The following ARID1A variants were observed in gnomAD, a reference collection of about 807,000 sequenced individuals.
ARID1A encodes the protein AT-rich interaction domain 1A.
In ARID1A, 20 loss-of-function variants were observed where a neutral mutation model predicts 212.6. That is an observed-to-expected ratio of 0.09 (90% CI 0.07 to 0.14). The LOEUF (loss-of-function observed/expected upper bound fraction) is 0.14. Among genes scored for constraint, ARID1A ranks in the 10% least tolerant of loss-of-function variants. The pLI is 1.00. For missense variants in ARID1A, 2,587 were observed against 3,059.0 expected, an observed-to-expected ratio of 0.85 and a Z score of 3.64; for synonymous variants, 1,376 against 1,222.1, an observed-to-expected ratio of 1.13 and a Z score of -2.63.
chr1:26,737,140 G>A (rs950670897), intron 4 of ARID1A, among the ~76,000 whole-genome samples: 1 of 151,838 alleles, frequency 6.6e-6, no homozygotes, highest in Admixed American at 6.6e-5. Flanking sequence ...GTTTTGAGAT[G>A]GGGGTCTCTC....
intron 1 of ARID1A, among the ~76,000 whole-genome samples, chr1:26,717,575 A>G (rs761241289): frequency 3.3e-5 from 5 of 152,210 alleles, no homozygotes; most frequent in South Asian, 2.1e-4. Context: ...TTGTTCTACA[A>G]ATTTCCAAGC....
Position 26,696,584 on chromosome 1 carries a change from C to T in ARID1A, c.181C>T (p.Pro61Ser). 1 of 1,230,724 alleles carries T rather than the reference C, an allele frequency of 8.1e-7. No individual in the cohort carries two copies. Among genetic ancestry groups the T allele is most frequent in the Admixed American group, 4.3e-5 (1 of 23,328 alleles). 76.2% of individuals were successfully genotyped at this position (1,230,724 alleles called of 1,614,324 possible). A position where few individuals can be genotyped will look rare whatever the true frequency, so the allele number is the denominator to read the frequency against. The change falls in exon 1 of 20, where the codon CCC becomes TCC. Residue 61 changes from proline (P) to serine (S), a missense_variant. Coordinates refer to ENST00000324856, the MANE Select transcript of ARID1A (RefSeq NM_006015.6). ...KAAAGQESEG[P>S]AVGPPQPLGK... ...AGCCGCCGGGCAGGAAAGCGAGGGC[C>T]CCGCCGTGGGGCCGCCGCAGCCGCT...
intron 4 of ARID1A, among the ~76,000 whole-genome samples, chr1:26,740,846 C>T (rs564073713): frequency 1.3e-5 from 2 of 152,236 alleles, no homozygotes; most frequent in South Asian, 2.1e-4. Flanking sequence ...GTGGAACATG[C>T]AGGAAAGAAT....
At chr1:26,737,513 G>C (rs1381317451) in intron 4 of ARID1A, among the ~76,000 whole-genome samples, 2 of 152,140 alleles carry the variant, frequency 1.3e-5, no homozygotes, top group African/African-American at 4.8e-5. Flanking sequence ...CCCAAGACCA[G>C]TGGTTCTCTA....
At position 26,696,237 on chromosome 1, in the gene ARID1A, C is replaced by T; in HGVS notation, c.-167C>T. ...GCCGCCAGCCCGGAGCCTGAGCCGGCGGGGCGGGGGGGAGAGGAGCGAGCG... is the reference window on the plus strand; with the variant it reads ...GCCGCCAGCCCGGAGCCTGAGCCGGTGGGGCGGGGGGGAGAGGAGCGAGCG... On this transcript the variant is annotated 5_prime_UTR_variant, in exon 1 of 20. Transcript: ENST00000324856. 1 of 887,530 alleles carries T rather than the reference C, an allele frequency of 1.1e-6. No individual in the cohort carries two copies. Among genetic ancestry groups the T allele is most frequent in the Non-Finnish European group, 1.4e-6 (1 of 704,574 alleles). The allele number at this position is 887,530 out of a possible 1,614,324, so 55.0% of individuals were successfully genotyped here.
chr1:26,752,066 T>C (rs1570594277), intron 4 of ARID1A, among the ~76,000 whole-genome samples: 2 of 152,208 alleles, frequency 1.3e-5, no homozygotes, highest in African/African-American at 4.8e-5. Context: ...CCTGGAGTAG[T>C]TTCTGCTGTT....
intron 1 of ARID1A, among the ~76,000 whole-genome samples, chr1:26,714,513 A>T (rs1363431723): frequency 6.6e-6 from 1 of 152,062 alleles, no homozygotes; most frequent in African/African-American, 2.4e-5. Context: ...TCCTGGGTTC[A>T]AGTGATTTTT....
At chr1:26,777,625 C>G (rs1246011151) in intron 19 of ARID1A, among the ~76,000 whole-genome samples, 1 of 152,148 alleles carries the variant, frequency 6.6e-6, no homozygotes, top group Admixed American at 6.5e-5. Context: ...TCTCCCACTT[C>G]AACCTTCCAA....
In ARID1A at chr1:26,709,676, T is replaced by G. The variant is rs189569978; in HGVS notation, c.1137+12136T>G. On this transcript the variant is annotated intron_variant, in intron 1 of 19. Transcript: ENST00000324856. ...CTAAAATTTGTTTAGAGACAGGGTC[T>G]TTCTCTGTTTCCCAGGCTGGAGTGC... 4.0e-4 allele frequency among the ~76,000 whole-genome samples: 61 copies of G among 150,808 alleles called. 1 individual carries two copies. Among genetic ancestry groups the G allele is most frequent in the Admixed American group, 2.1e-3 (31 of 15,076 alleles).
intron 2 of ARID1A, 129 bp from the exon 3 acceptor site, chr1:26,731,023 G>A (rs2080670801): frequency 9.5e-7 from 1 of 1,054,706 alleles, no homozygotes; most frequent in Non-Finnish European, 1.4e-6. Flanking sequence ...AAAACCCTGG[G>A]CCTCCTAAGT....
In ARID1A at chr1:26,763,124, G is replaced by C. The variant is rs2124069105; in HGVS notation, c.2571G>C (p.Arg857Ser). 6.2e-7 allele frequency: 1 copy of C among 1,614,254 alleles called. No homozygotes were observed. Among genetic ancestry groups the C allele is most frequent in the Non-Finnish European group, 8.5e-7 (1 of 1,180,044 alleles). ...CTTATGGCACACTCCCTCCAGGGAGGATGAGTCACGCCTCCATGGGCAACC... is the reference window on the plus strand; with the variant it reads ...CTTATGGCACACTCCCTCCAGGGAGCATGAGTCACGCCTCCATGGGCAACC... Reference protein sequence around the residue: ...IPPYGTLPPGRMSHASMGNRP... With the variant: ...IPPYGTLPPGSMSHASMGNRP... Residue 857 changes from arginine to serine, a missense_variant, in exon 8 of 20, where the codon AGG becomes AGC. By Grantham distance (110) the Arg-to-Ser change is moderately radical. Coordinates refer to ENST00000324856, the MANE Select transcript of ARID1A (RefSeq NM_006015.6).
chr1:26,735,989 T>G (rs1257739783), intron 4 of ARID1A, among the ~76,000 whole-genome samples: 6 of 152,154 alleles, frequency 3.9e-5, no homozygotes, highest in African/African-American at 1.4e-4. Flanking sequence ...CTTAAATAAC[T>G]TCTATGATGA....
At chr1:26,775,283 T>C in intron 18 of ARID1A, 63 bp downstream of exon 18, 1 of 1,511,156 alleles carries the variant, frequency 6.6e-7, no homozygotes, top group East Asian at 2.3e-5. Context: ...CATTGTTCCC[T>C]CCACCTTACT....
At chr1:26,740,290 AG>A (rs1391650352) in intron 4 of ARID1A, among the ~76,000 whole-genome samples, 1 of 152,256 alleles carries the variant, frequency 6.6e-6, no homozygotes, top group Non-Finnish European at 1.5e-5. Context: ...TGATTCCTAA[AG>A]GATCCTCCTG....
intron 1 of ARID1A, among the ~76,000 whole-genome samples, chr1:26,702,612 C>T (rs114791578): frequency 8.5e-5 from 13 of 152,234 alleles, no homozygotes; most frequent in African/African-American, 3.1e-4. Context: ...AATTAATAAA[C>T]AGTTTTCAAG....
intron 4 of ARID1A, among the ~76,000 whole-genome samples, chr1:26,749,623 G>T (rs745473438): frequency 2.6e-5 from 4 of 152,134 alleles, no homozygotes; most frequent in African/African-American, 4.8e-5. Context: ...GGTCAGACCT[G>T]CCTCAAGAGA....
chr1:26,716,420 A>C (rs1430033908), intron 1 of ARID1A, among the ~76,000 whole-genome samples: 3 of 152,078 alleles, frequency 2.0e-5, no homozygotes, highest in African/African-American at 7.2e-5. Flanking sequence ...AGTTGTAATA[A>C]ATGCATTGGA....
At chr1:26,745,578 C>G (rs1336683119) in intron 4 of ARID1A, among the ~76,000 whole-genome samples, 1 of 152,164 alleles carries the variant, frequency 6.6e-6, no homozygotes, top group African/African-American at 2.4e-5. Context: ...CACCCCATTC[C>G]CGTCTCCCCT....
Position 26,771,126 on chromosome 1 carries a change from A to G in ARID1A, c.3206A>G (p.Lys1069Arg). The G allele has an allele frequency of 1.2e-6, 2 of 1,614,248 alleles. No homozygotes were observed. The highest frequency in any genetic ancestry group is 1.7e-6 in the Non-Finnish European group (2 of 1,180,046). The change falls in exon 12 of 20, where the codon AAG (lysine) becomes AGG (arginine). Residue 1069 changes from lysine (K) to arginine (R), a missense_variant. By Grantham distance (26) the Lys-to-Arg change is conservative. Transcript: ENST00000324856. This position sits in a 1 kb window ranked among gnomAD's most constrained non-coding sequence, Gnocchi z 5.4. Reference protein sequence around the residue: ...KEIGGLTQVNKNKKWRELATN... With the variant: ...KEIGGLTQVNRNKKWRELATN... ...TTTGGTTTGGTTATACAGGTCAACA[A>G]GAACAAAAAATGGCGGGAACTTGCA...
Sources: gnomAD v4.1 joint callset for allele counts (sites outside exome capture counted in the v4.1 genomes callset) on GRCh38, gnomAD v4.1.1 for gene constraint, Gnocchi (gnomAD v3.1) non-coding constraint, MANE v1.5 for transcripts, NCBI Gene and HGNC (gene_info 2026-07-23, HGNC 2026-07-21) for gene names.